Variants in STK32A observed in about 807,000 individuals in gnomAD.
STK32A encodes the protein serine/threonine kinase 32A, also known as serine/threonine-protein kinase 32A.
Under a neutral mutation model 53.2 loss-of-function variants are expected in STK32A, and 41 were observed. The ratio of observed to expected loss-of-function variants is 0.77; its 90% confidence interval spans 0.60 to 1.00. The LOEUF (loss-of-function observed/expected upper bound fraction) is 1.00. Ranked by LOEUF, STK32A falls within the 50% of genes least tolerant of loss-of-function variation. The pLI is 0.00. For synonymous variants in STK32A, 166 were observed against 162.8 expected (o/e 1.02, Z -0.15); for missense variants, 458 against 485.8 (o/e 0.94, Z 0.54).
chr5:147,256,804 G>T (rs559604494), intron 2 of STK32A, among the ~76,000 whole-genome samples: 2 of 152,160 alleles, frequency 1.3e-5, no homozygotes, highest in African/African-American at 2.4e-5. Flanking sequence ...GAGCCACCGA[G>T]CCTGACCTGT....
chr5:147,282,347 G>A (rs1490581375), intron 4 of STK32A, among the ~76,000 whole-genome samples: 1 of 152,182 alleles, frequency 6.6e-6, no homozygotes, highest in Non-Finnish European at 1.5e-5. Context: ...CTGTTTGTGG[G>A]AGAACAGCTT....
chr5:147,382,263 A>C (rs907791877), intron 11 of STK32A, among the ~76,000 whole-genome samples: 5 of 152,210 alleles, frequency 3.3e-5, no homozygotes, highest in African/African-American at 1.2e-4. Flanking sequence ...TTTTCAGCTC[A>C]AGAATTCCTT....
chr5:147,389,923 ACACAGGGCCG>A (rs1228747644), downstream of STK32A, among the ~76,000 whole-genome samples: 1 of 152,206 alleles, frequency 6.6e-6, no homozygotes, highest in Admixed American at 6.5e-5. Flanking sequence ...TACTGAAGGC[ACACAGGGCCG>A]AAGTGGAAAG....
downstream of STK32A, among the ~76,000 whole-genome samples, chr5:147,389,965 G>T (rs556909778): frequency 3.3e-5 from 5 of 152,306 alleles, no homozygotes; most frequent in Admixed American, 3.3e-4. Flanking sequence ...TGATGTCAGG[G>T]TCTAGCACTT....
At chr5:147,276,399 T>G (rs1755262950) in intron 2 of STK32A, among the ~76,000 whole-genome samples, 2 of 152,176 alleles carry the variant, frequency 1.3e-5, no homozygotes, top group Admixed American at 6.5e-5. Context: ...TTAATTAAAT[T>G]TTTAGTACTT....
intron 2 of STK32A, among the ~76,000 whole-genome samples, chr5:147,273,637 C>T (rs1433728572): frequency 6.6e-6 from 1 of 151,956 alleles, no homozygotes; most frequent in Non-Finnish European, 1.5e-5. Context: ...TATTTTTTCC[C>T]GAATAATAGT....
intron 2 of STK32A, among the ~76,000 whole-genome samples, chr5:147,258,179 G>T (rs1015868849): frequency 2.5e-5 from 2 of 81,140 alleles, no homozygotes; most frequent in East Asian, 5.4e-4. Context: ...TTGTTAAAGA[G>T]CAGGTTAGTG....
chr5:147,398,435 T>C, the STK32A span, among the ~76,000 whole-genome samples: 2 of 152,178 alleles, frequency 1.3e-5, no homozygotes, highest in African/African-American at 2.4e-5. Context: ...TTTTAATCTA[T>C]AAAACGGAGG....
chr5:147,291,073 A>C (rs563906447), intron 4 of STK32A, among the ~76,000 whole-genome samples: 1 of 152,314 alleles, frequency 6.6e-6, no homozygotes, highest in South Asian at 2.1e-4. Context: ...GTCCTTGAGC[A>C]TGGGTTTGAG....
intron 5 of STK32A, among the ~76,000 whole-genome samples, chr5:147,340,815 C>T (rs1215037984): frequency 6.6e-6 from 1 of 152,200 alleles, no homozygotes; most frequent in African/African-American, 2.4e-5. Context: ...TCCTCTCCAT[C>T]CCGAGGGAAC....
chr5:147,370,818 G>T (rs1438946617), intron 9 of STK32A, 48 bp downstream of exon 9: 12 of 1,235,846 alleles, frequency 9.7e-6, no homozygotes, highest in Non-Finnish European at 1.4e-5. Flanking sequence ...AAGGAAGCAG[G>T]CTCTCTGGCT....
At chr5:147,317,640 T>C (rs1754073398) in intron 4 of STK32A, among the ~76,000 whole-genome samples, 2 of 152,108 alleles carry the variant, frequency 1.3e-5, no homozygotes, top group Admixed American at 6.6e-5. Flanking sequence ...TTGGTTTTTT[T>C]CAACAAAAAA....
chr5:147,260,201 CCTCTCTCTCTCCTCT>C lies in STK32A; in HGVS notation c.53-17905_53-17891del, dbSNP rs1754474770. ...TCTCCTCTCTCTCTCCTCTCTCTCT[CCTCTCTCTCTCCTCT>C]CTCTCTCTCTCCTCTCTGTCTCTGT... On this transcript the variant is annotated intron_variant, in intron 2 of 12. Transcript: ENST00000397936. Among the ~76,000 whole-genome samples, 4 of 53,140 alleles carry C rather than the reference CCTCTCTCTCTCCTCT, an allele frequency of 7.5e-5. 1 individual carries two copies. Among genetic ancestry groups the C allele is most frequent in the African/African-American group, 2.8e-4 (3 of 10,824 alleles). The allele number at this position is 53,140 out of a possible 152,430, so 34.9% of individuals were successfully genotyped here.
intron 2 of STK32A, among the ~76,000 whole-genome samples, chr5:147,267,407 A>T (rs920485246): frequency 6.6e-6 from 1 of 152,200 alleles, no homozygotes. Context: ...AGCCACAAAA[A>T]GTCAGATTTA....
At chr5:147,353,878 G>T (rs1002355267) in intron 7 of STK32A, among the ~76,000 whole-genome samples, 1 of 152,256 alleles carries the variant, frequency 6.6e-6, no homozygotes. Flanking sequence ...GGATTAAGTC[G>T]GGTGGAATGA....
At position 147,239,607 on chromosome 5, in the gene STK32A, G is replaced by A. The variant is rs767680235; in HGVS notation, c.-28G>A. The stretch of plus-strand genomic sequence containing the variant: ...TGTTTCTGCCCGGATAGTATAAATC[G>A]AGGATCCAGGTCTGGGCAGATTCAA... On this transcript the variant is annotated 5_prime_UTR_variant, in exon 2 of 13. Transcript: ENST00000397936. 6 of 1,581,662 alleles carry A rather than the reference G, an allele frequency of 3.8e-6. No individual in the cohort carries two copies. In the South Asian group the frequency reaches 4.6e-5, roughly 12 times the overall value.
At chr5:147,380,782 G>T (rs1359299670) in intron 11 of STK32A, among the ~76,000 whole-genome samples, 1 of 152,166 alleles carries the variant, frequency 6.6e-6, no homozygotes. Flanking sequence ...CATTGTTGAG[G>T]GGAACATTCT....
rs146871279 is a variant in STK32A, at chr5:147,347,983, T to C, written c.473-3082T>C. Among the ~76,000 whole-genome samples, 243 of 152,304 alleles carry C rather than the reference T, an allele frequency of 1.6e-3. 2 individuals are homozygous for C. Among genetic ancestry groups the C allele is most frequent in the African/African-American group, 5.5e-3 (230 of 41,562 alleles). On this transcript the variant is annotated intron_variant, in intron 6 of 12. Coordinates refer to ENST00000397936, the MANE Select transcript of STK32A (RefSeq NM_001112724.2). ...TCTCCTTAAATAGGCATCCTGGAAG[T>C]GGACTAGAACTCTGAGCCAATCAGA...
At chr5:147,393,969 G>A in the STK32A span, 16 of 1,484,696 alleles carry the variant, frequency 1.1e-5, no homozygotes, top group African/African-American at 1.5e-4. Flanking sequence ...CTTAAATATC[G>A]GTGTACCATT....
Sources: gnomAD v4.1 joint callset for allele counts (sites outside exome capture counted in the v4.1 genomes callset) on GRCh38, gnomAD v4.1.1 for gene constraint, MANE v1.5 for transcripts, NCBI Gene and HGNC (gene_info 2026-07-23, HGNC 2026-07-21) for gene names.